Variants in C20orf203 observed in about 807,000 individuals in gnomAD.
C20orf203 encodes the protein chromosome 20 open reading frame 203, also known as uncharacterized protein C20orf203.
C20orf203 carries 16 observed loss-of-function variants against 15.9 expected under a neutral mutation model. That is an observed-to-expected ratio of 1.01 (90% CI 0.68 to 1.53). C20orf203 has a LOEUF of 1.53. Ranked by LOEUF, C20orf203 falls within the 40% of genes most tolerant of loss-of-function variation. The pLI is 0.00. For synonymous variants in C20orf203, 98 were observed against 97.2 expected (o/e 1.01, Z -0.05); for missense variants, 263 against 247.5 (o/e 1.06, Z -0.42).
At chr20:32,658,880 C>G (rs1346064076) in intron 1 of C20orf203, among the ~76,000 whole-genome samples, 1 of 142,668 alleles carries the variant, frequency 7.0e-6, no homozygotes, top group East Asian at 2.1e-4. Flanking sequence ...ACCCACTTCT[C>G]TTTTTTTTTT....
chr20:32,633,036 TATC>T lies in C20orf203; in HGVS notation c.*2531_*2533del, dbSNP rs1317504606. 1 of 152,210 alleles carries T rather than the reference TATC, an allele frequency of 6.6e-6. No individual in the cohort carries two copies. Among genetic ancestry groups the T allele is most frequent in the Admixed American group, 6.5e-5 (1 of 15,270 alleles). 9.4% of individuals were successfully genotyped at this position (152,210 alleles called of 1,614,324 possible). A position where few individuals can be genotyped will look rare whatever the true frequency, so the allele number is the denominator to read the frequency against. Reference sequence around the variant, plus strand: ...TCAGATCTCGTGAGAACTCACTCACTATCATGAGAACAGCATGGGGGAAACTGC... The same window carrying T: ...TCAGATCTCGTGAGAACTCACTCACTATGAGAACAGCATGGGGGAAACTGC... On this transcript the variant is annotated 3_prime_UTR_variant, in exon 6 of 6. Transcript: ENST00000608990.
At chr20:32,651,526 T>C (rs1982629583) in intron 2 of C20orf203, among the ~76,000 whole-genome samples, 1 of 152,078 alleles carries the variant, frequency 6.6e-6, no homozygotes, top group Non-Finnish European at 1.5e-5. Flanking sequence ...GCAAGGGAGC[T>C]CATTGTCACA....
intron 1 of C20orf203, among the ~76,000 whole-genome samples, chr20:32,671,373 T>C (rs1983161341): frequency 6.6e-6 from 1 of 152,336 alleles, no homozygotes; most frequent in African/African-American, 2.4e-5. Flanking sequence ...AAGCCTGTCA[T>C]GTGCTGCCAT....
intron 1 of C20orf203, among the ~76,000 whole-genome samples, chr20:32,652,568 C>T (rs1779321105): frequency 6.6e-6 from 1 of 151,838 alleles, no homozygotes; most frequent in Admixed American, 6.6e-5. Context: ...GGTCCCTGAC[C>T]TCTGTGATTC....
chr20:32,647,885 G>A (rs192508739), intron 4 of C20orf203, among the ~76,000 whole-genome samples: 72 of 152,192 alleles, frequency 4.7e-4, no homozygotes, highest in African/African-American at 1.4e-3. Context: ...AGGGGGCGTC[G>A]CCTTCCCCCA....
chr20:32,656,079 G>A (rs1982746829), intron 1 of C20orf203, among the ~76,000 whole-genome samples: 2 of 152,186 alleles, frequency 1.3e-5, no homozygotes, highest in African/African-American at 4.8e-5. Flanking sequence ...ATGATTGGAA[G>A]CTTCCTGAGG....
chr20:32,662,837 C>T (rs898512355), intron 1 of C20orf203, among the ~76,000 whole-genome samples: 5 of 147,494 alleles, frequency 3.4e-5, no homozygotes, highest in South Asian at 2.1e-4. Flanking sequence ...GAGCTATGAT[C>T]GCGCCACTGC....
At chr20:32,640,086 T>C (rs1982240461) in intron 5 of C20orf203, among the ~76,000 whole-genome samples, 1 of 152,196 alleles carries the variant, frequency 6.6e-6, no homozygotes. Flanking sequence ...AATTTGTTTT[T>C]ATGTAGATGT....
chr20:32,673,930 C>T lies in C20orf203; in HGVS notation c.-562G>A, dbSNP rs1292385637. 3.3e-5 allele frequency: 5 copies of T among 152,228 alleles called. No individual in the cohort carries two copies. Among genetic ancestry groups the T allele is most frequent in the African/African-American group, 1.2e-4 (5 of 41,428 alleles). 9.4% of individuals were successfully genotyped at this position (152,228 alleles called of 1,614,324 possible). A position where few individuals can be genotyped will look rare whatever the true frequency, so the allele number is the denominator to read the frequency against. Reference sequence around the variant, plus strand: ...TTGGGAAGAAAAGTCAGCTCAGACCCACTGGCTATGTGACCTGGCCCTGCA... The same window carrying T: ...TTGGGAAGAAAAGTCAGCTCAGACCTACTGGCTATGTGACCTGGCCCTGCA... On this transcript the variant is annotated 5_prime_UTR_variant, in exon 1 of 6. Coordinates refer to ENST00000608990, the MANE Select transcript of C20orf203 (RefSeq NM_182584.4).
chr20:32,643,487 G>A (rs1982338098), intron 4 of C20orf203, among the ~76,000 whole-genome samples: 1 of 152,096 alleles, frequency 6.6e-6, no homozygotes, highest in Non-Finnish European at 1.5e-5. Flanking sequence ...TGGAGGACGG[G>A]AAAGTGTTAG....
At chr20:32,648,249 C>A (rs1448460782) in intron 4 of C20orf203, among the ~76,000 whole-genome samples, 1 of 151,998 alleles carries the variant, frequency 6.6e-6, no homozygotes, top group Non-Finnish European at 1.5e-5. Flanking sequence ...TGCCTCCAGG[C>A]CTTTGCACTC....
rs1387051761 is a variant in C20orf203, at chr20:32,633,699, C to G, written c.*1871G>C. Reference sequence around the variant, plus strand: ...TGGACAGGGGCTCCAGAGCCCATGACACGTTTCCCTCTTGTAGAAGGTCCT... The same window carrying G: ...TGGACAGGGGCTCCAGAGCCCATGAGACGTTTCCCTCTTGTAGAAGGTCCT... On this transcript the variant is annotated 3_prime_UTR_variant, in exon 6 of 6. Coordinates refer to ENST00000608990, the MANE Select transcript of C20orf203 (RefSeq NM_182584.4). 2 of 277,496 alleles carry G rather than the reference C, an allele frequency of 7.2e-6. No homozygotes were observed. The highest frequency in any genetic ancestry group is 1.3e-5 in the Non-Finnish European group (2 of 149,790). 17.2% of individuals were successfully genotyped at this position (277,496 alleles called of 1,614,324 possible). A position where few individuals can be genotyped will look rare whatever the true frequency, so the allele number is the denominator to read the frequency against.
intron 1 of C20orf203, among the ~76,000 whole-genome samples, chr20:32,672,113 G>T (rs1010284851): frequency 2.6e-5 from 4 of 152,016 alleles, no homozygotes; most frequent in Non-Finnish European, 1.5e-5. Flanking sequence ...TCAGGAGTTC[G>T]AGACCAGCCT....
chr20:32,644,284 C>A (rs770111006), intron 4 of C20orf203, among the ~76,000 whole-genome samples: 28 of 152,040 alleles, frequency 1.8e-4, no homozygotes, highest in Non-Finnish European at 3.7e-4. Flanking sequence ...CCTGTCTCTA[C>A]TAAAATACAA....
chr20:32,661,767 T>C (rs1982896691), intron 1 of C20orf203, among the ~76,000 whole-genome samples: 2 of 152,222 alleles, frequency 1.3e-5, no homozygotes, highest in South Asian at 4.1e-4. Flanking sequence ...CACAGATCCA[T>C]GGGGTTGGAG....
rs1406506340 is a variant in C20orf203, at chr20:32,633,985, T to C, written c.*1585A>G. 6 of 398,528 alleles carry C rather than the reference T, an allele frequency of 1.5e-5. No individual in the cohort carries two copies. The highest frequency in any genetic ancestry group is 2.1e-5 in the African/African-American group (1 of 48,620). 24.7% of individuals were successfully genotyped at this position (398,528 alleles called of 1,614,324 possible). ...CCGGACTGTTTCATGCGTTCATTCA[T>C]GTGTCCAACTCTTCACTCCTTTCCT... On this transcript the variant is annotated 3_prime_UTR_variant, in exon 6 of 6. Transcript: ENST00000608990.
At chr20:32,643,311 T>G (rs999269641) in intron 4 of C20orf203, among the ~76,000 whole-genome samples, 5 of 152,200 alleles carry the variant, frequency 3.3e-5, no homozygotes, top group African/African-American at 9.7e-5. Flanking sequence ...ATGACAGTCA[T>G]GCTTACTTTA....
chr20:32,669,025 T>C (rs1322599810), intron 1 of C20orf203, among the ~76,000 whole-genome samples: 1 of 152,198 alleles, frequency 6.6e-6, no homozygotes, highest in East Asian at 1.9e-4. Context: ...GGAAAAGCTC[T>C]TTCTCAAACA....
chr20:32,667,290 T>G (rs554623983), intron 1 of C20orf203, among the ~76,000 whole-genome samples: 1 of 152,344 alleles, frequency 6.6e-6, no homozygotes, highest in African/African-American at 2.4e-5. Flanking sequence ...CTTACTGTCT[T>G]TGAAGCTGAC....
Sources: gnomAD v4.1 joint callset for allele counts (sites outside exome capture counted in the v4.1 genomes callset) on GRCh38, gnomAD v4.1.1 for gene constraint, MANE v1.5 for transcripts, NCBI Gene and HGNC (gene_info 2026-07-23, HGNC 2026-07-21) for gene names.